The following NRXN1 variants were observed in gnomAD, a reference collection of about 807,000 sequenced individuals.
NRXN1 encodes the protein neurexin 1, also known as neurexin-1.
NRXN1 carries 39 observed loss-of-function variants against 150.9 expected under a neutral mutation model. That is an observed-to-expected ratio of 0.26 (90% CI 0.20 to 0.34). The LOEUF (loss-of-function observed/expected upper bound fraction) is 0.34, where lower values mean the gene tolerates loss of function less well. Among genes scored for constraint, NRXN1 ranks in the 10% least tolerant of loss-of-function variants. The pLI, the probability that NRXN1 is intolerant of heterozygous loss-of-function variation, is 1.00. For synonymous variants in NRXN1, 924 were observed against 757.0 expected, an observed-to-expected ratio of 1.22 and a Z score of -3.62; for missense variants, 1,815 against 1,949.9, an observed-to-expected ratio of 0.93 and a Z score of 1.30.
chr2:50,225,417 G>A (rs2064276366), intron 18 of NRXN1, among the ~76,000 whole-genome samples: 1 of 151,954 alleles, frequency 6.6e-6, no homozygotes, highest in Non-Finnish European at 1.5e-5. Context: ...CATTGTCAGT[G>A]ACCCTGAAGA....
chr2:49,939,088 T>C (rs970751819), intron 22 of NRXN1, among the ~76,000 whole-genome samples: 5 of 152,080 alleles, frequency 3.3e-5, no homozygotes, highest in African/African-American at 4.8e-5. Context: ...AAATAACAAA[T>C]ACTAATAACA....
intron 21 of NRXN1, among the ~76,000 whole-genome samples, chr2:49,989,130 T>A (rs539130559): frequency 6.6e-6 from 1 of 152,292 alleles, no homozygotes; most frequent in African/African-American, 2.4e-5. Flanking sequence ...CTTAATTGCA[T>A]GATGAAAATC....
intron 17 of NRXN1, among the ~76,000 whole-genome samples, chr2:50,427,536 T>C (rs76270751): frequency 0.019 from 2,869 of 152,274 alleles, 85 homozygotes; most frequent in African/African-American, 0.066. Flanking sequence ...GGAAGTGTCA[T>C]GTAAGGAGAC....
chr2:50,651,915 A>T (rs1685695247), intron 5 of NRXN1, among the ~76,000 whole-genome samples: 1 of 152,046 alleles, frequency 6.6e-6, no homozygotes, highest in South Asian at 2.1e-4. Flanking sequence ...ACACTCTATG[A>T]ATAATGAACC....
At chr2:50,973,791 T>C (rs1332214988) in intron 2 of NRXN1, among the ~76,000 whole-genome samples, 1 of 152,150 alleles carries the variant, frequency 6.6e-6, no homozygotes, top group Non-Finnish European at 1.5e-5. Context: ...TTTTTATAAT[T>C]GTAGCTTCAT....
chr2:50,725,983 C>A (rs1258909538), intron 5 of NRXN1, among the ~76,000 whole-genome samples: 3 of 152,176 alleles, frequency 2.0e-5, no homozygotes, highest in Admixed American at 6.5e-5. Flanking sequence ...ATGATTTAAA[C>A]AAACCAGCGT....
intron 8 of NRXN1, among the ~76,000 whole-genome samples, chr2:50,554,957 T>A (rs1179473359): frequency 6.6e-6 from 1 of 152,190 alleles, no homozygotes; most frequent in East Asian, 1.9e-4. Context: ...TTCTTAAGAA[T>A]ACTTTTTTGA....
At chr2:50,360,411 A>G (rs1305171911) in intron 17 of NRXN1, among the ~76,000 whole-genome samples, 4 of 152,216 alleles carry the variant, frequency 2.6e-5, no homozygotes, top group Non-Finnish European at 5.9e-5. Context: ...ATGATGGAGG[A>G]AGATTTACCA....
chr2:50,232,706 C>T, intron 18 of NRXN1, among the ~76,000 whole-genome samples: 1 of 151,828 alleles, frequency 6.6e-6, no homozygotes, highest in Non-Finnish European at 1.5e-5. Flanking sequence ...TAATCATCAC[C>T]ATTATTATAA....
chr2:50,401,732 G>A (rs1321134865), intron 17 of NRXN1, among the ~76,000 whole-genome samples: 2 of 151,924 alleles, frequency 1.3e-5, no homozygotes, highest in African/African-American at 2.4e-5. Flanking sequence ...AAGAGCCTAT[G>A]GTTGGAATTT....
At chr2:51,030,577 G>A (rs528811590) in intron 1 of NRXN1, among the ~76,000 whole-genome samples, 2 of 151,288 alleles carry the variant, frequency 1.3e-5, no homozygotes, top group East Asian at 1.9e-4. Flanking sequence ...CACACAGTGT[G>A]GGTGTGCGCA....
chr2:50,063,853 C>G (rs947252063), intron 19 of NRXN1, among the ~76,000 whole-genome samples: 1 of 152,094 alleles, frequency 6.6e-6, no homozygotes, highest in Non-Finnish European at 1.5e-5. Flanking sequence ...CAATGGTGAG[C>G]ACATGGTAAT....
chr2:50,442,833 G>A (rs1202351376), intron 17 of NRXN1, among the ~76,000 whole-genome samples: 1 of 152,150 alleles, frequency 6.6e-6, no homozygotes, highest in Non-Finnish European at 1.5e-5. Context: ...AGTCACAGAG[G>A]AAGGAGGACA....
intron 21 of NRXN1, among the ~76,000 whole-genome samples, chr2:49,997,544 T>A (rs1683198682): frequency 6.6e-6 from 1 of 152,166 alleles, no homozygotes; most frequent in African/African-American, 2.4e-5. Flanking sequence ...AGCAGGACAT[T>A]AATCCCTCAA....
rs142099459 is a variant in NRXN1, at chr2:50,390,453, G to A, written c.3364+74989C>T. Among the ~76,000 whole-genome samples the A allele has an allele frequency of 1.2e-3, 177 of 152,276 alleles. 4 individuals are homozygous for A. The East Asian group carries it at 0.034, about 29-fold the overall frequency. On this transcript the variant is annotated intron_variant, in intron 17 of 22. Coordinates refer to ENST00000401669, the MANE Select transcript of NRXN1 (RefSeq NM_001330078.2). ...GAGCAACTAATTTACACAGGCTAGT[G>A]TGGCTCACGCAATGACTTAATTTTT... is the stretch of plus-strand genomic sequence containing the variant.
intron 5 of NRXN1, among the ~76,000 whole-genome samples, chr2:50,734,628 T>C (rs1698493490): frequency 6.6e-6 from 1 of 152,062 alleles, no homozygotes; most frequent in African/African-American, 2.4e-5. Flanking sequence ...AAATTCACTC[T>C]GGTAGTCTAT....
chr2:50,332,291 T>A (rs966965426), intron 17 of NRXN1, among the ~76,000 whole-genome samples: 1 of 152,204 alleles, frequency 6.6e-6, no homozygotes, highest in Non-Finnish European at 1.5e-5. Context: ...TATTTAGAAA[T>A]CTTTCTACAA....
chr2:50,031,344 T>C (rs952966248), intron 21 of NRXN1, among the ~76,000 whole-genome samples: 1 of 152,024 alleles, frequency 6.6e-6, no homozygotes, highest in Non-Finnish European at 1.5e-5. Flanking sequence ...TAGTTACAAA[T>C]AGAATCCAAA....
At chr2:50,697,466 G>C (rs1693085569) in intron 5 of NRXN1, among the ~76,000 whole-genome samples, 1 of 152,150 alleles carries the variant, frequency 6.6e-6, no homozygotes, top group Admixed American at 6.5e-5. Context: ...TAGAGAAATG[G>C]ATTTTAATCA....
Sources: gnomAD v4.1 joint callset for allele counts (sites outside exome capture counted in the v4.1 genomes callset) on GRCh38, gnomAD v4.1.1 for gene constraint, MANE v1.5 for transcripts, NCBI Gene and HGNC (gene_info 2026-07-23, HGNC 2026-07-21) for gene names.